CCDC85A: variants seen among roughly 807,000 people sequenced by gnomAD.
CCDC85A encodes coiled-coil domain-containing protein 85A.
Under a neutral mutation model 50.2 loss-of-function variants are expected in CCDC85A, and 38 were observed. The ratio of observed to expected loss-of-function variants is 0.76; its 90% CI spans 0.58 to 0.99. The LOEUF (loss-of-function observed/expected upper bound fraction) is 0.99. CCDC85A is among the 50% of genes least tolerant of loss of function. The probability of loss-of-function intolerance (pLI) is 0.00; values close to 1 mark genes in which losing one functional copy is unlikely to be tolerated. For synonymous variants in CCDC85A, 366 were observed against 301.4 expected, an observed-to-expected ratio of 1.21 and a Z score of -2.22; for missense variants, 820 against 742.0, an observed-to-expected ratio of 1.11 and a Z score of -1.22.
intron 2 of CCDC85A, among the ~76,000 whole-genome samples, chr2:56,290,021 C>G (rs1025445286): frequency 6.6e-6 from 1 of 152,140 alleles, no homozygotes; most frequent in East Asian, 1.9e-4. Context: ...AAGCCAGACC[C>G]TCATTTCCTG....
chr2:56,197,298 T>C (rs1321847620), intron 2 of CCDC85A, among the ~76,000 whole-genome samples: 1 of 151,938 alleles, frequency 6.6e-6, no homozygotes, highest in Non-Finnish European at 1.5e-5. Flanking sequence ...GTAGCATCCC[T>C]GGGCTTTACC....
intron 3 of CCDC85A, among the ~76,000 whole-genome samples, chr2:56,347,775 A>T (rs1262425239): frequency 1.3e-5 from 2 of 152,212 alleles, no homozygotes; most frequent in Non-Finnish European, 2.9e-5. Context: ...GAAATTTTAA[A>T]ATTGAAATTT....
intron 2 of CCDC85A, among the ~76,000 whole-genome samples, chr2:56,325,105 T>G (rs1250536696): frequency 6.6e-6 from 1 of 152,126 alleles, no homozygotes; most frequent in Non-Finnish European, 1.5e-5. Flanking sequence ...ATTGATTTAA[T>G]AATGCGATTT....
At chr2:56,328,228 G>C (rs2104284075) in intron 2 of CCDC85A, among the ~76,000 whole-genome samples, 1 of 152,206 alleles carries the variant, frequency 6.6e-6, no homozygotes, top group East Asian at 1.9e-4. Flanking sequence ...ACAACGAGAG[G>C]GTTGGATTTA....
At chr2:56,267,507 A>T (rs373255609) in intron 2 of CCDC85A, among the ~76,000 whole-genome samples, 1 of 152,224 alleles carries the variant, frequency 6.6e-6, no homozygotes, top group African/African-American at 2.4e-5. Context: ...TATATTCAAC[A>T]TAGTACACAG....
At chr2:56,324,773 A>G (rs186015813) in intron 2 of CCDC85A, among the ~76,000 whole-genome samples, 296 of 152,118 alleles carry the variant, frequency 1.9e-3, no homozygotes, top group Non-Finnish European at 3.4e-3. Flanking sequence ...TAAATACTCC[A>G]AGGTAGTATT....
At chr2:56,284,560 A>G (rs914545452) in intron 2 of CCDC85A, among the ~76,000 whole-genome samples, 1 of 152,098 alleles carries the variant, frequency 6.6e-6, no homozygotes, top group African/African-American at 2.4e-5. Context: ...TTTAGTAGAG[A>G]TGGAGTTTCA....
chr2:56,235,330 C>T (rs1313503713), intron 2 of CCDC85A: 1 of 152,064 alleles, frequency 6.6e-6, no homozygotes, highest in Non-Finnish European at 1.5e-5. Flanking sequence ...TGACCGCAGA[C>T]AGCATAGGTA....
In CCDC85A at chr2:56,379,879, G is replaced by T. The variant is rs546902309; in HGVS notation, c.1572+3944G>T. 3 of 762,388 alleles carry T rather than the reference G, an allele frequency of 3.9e-6. No individual in the cohort carries two copies. In the African/African-American group the frequency reaches 5.7e-5, roughly 14 times the overall value. The allele number at this position is 762,388 out of a possible 1,614,324, so 47.2% of individuals were successfully genotyped here. ...TTTAATGTGCTTTATTGTGTATTCTGTGTTGAAAGCCACATCGTAGCTTAG... is the reference window on the plus strand; with the variant it reads ...TTTAATGTGCTTTATTGTGTATTCTTTGTTGAAAGCCACATCGTAGCTTAG... On this transcript the variant is annotated intron_variant, in intron 5 of 5. Transcript: ENST00000407595.
chr2:56,287,200 G>T (rs1223769479), intron 2 of CCDC85A, among the ~76,000 whole-genome samples: 1 of 152,158 alleles, frequency 6.6e-6, no homozygotes, highest in Non-Finnish European at 1.5e-5. Context: ...TTTTGTCAAG[G>T]ACTCATGGGA....
intron 2 of CCDC85A, among the ~76,000 whole-genome samples, chr2:56,277,717 T>TAA: frequency 6.6e-6 from 1 of 152,358 alleles, no homozygotes; most frequent in South Asian, 2.1e-4. Flanking sequence ...TAGGGAATGC[T>TAA]AACATGAGTA....
At chr2:56,226,390 A>G (rs1451191209) in intron 2 of CCDC85A, among the ~76,000 whole-genome samples, 1 of 152,270 alleles carries the variant, frequency 6.6e-6, no homozygotes, top group South Asian at 2.1e-4. Flanking sequence ...ATATATTTTG[A>G]ATGGATGAGA....
intron 3 of CCDC85A, among the ~76,000 whole-genome samples, chr2:56,344,406 A>G (rs539411094): frequency 6.6e-6 from 1 of 152,296 alleles, no homozygotes; most frequent in African/African-American, 2.4e-5. Flanking sequence ...GGACAGCATG[A>G]GATTTCCTCA....
intron 3 of CCDC85A, among the ~76,000 whole-genome samples, chr2:56,358,528 T>C (rs896006250): frequency 6.6e-6 from 1 of 152,222 alleles, no homozygotes; most frequent in Admixed American, 6.5e-5. Flanking sequence ...AAGAGCCAGG[T>C]AGTAAATATT....
chr2:56,329,536 A>G (rs1160483779), intron 2 of CCDC85A, among the ~76,000 whole-genome samples: 1 of 152,240 alleles, frequency 6.6e-6, no homozygotes, highest in Non-Finnish European at 1.5e-5. Context: ...TAGATTATCT[A>G]AACTAACTGG....
At chr2:56,247,067 C>A (rs938860387) in intron 2 of CCDC85A, among the ~76,000 whole-genome samples, 22 of 152,100 alleles carry the variant, frequency 1.4e-4, no homozygotes, top group Non-Finnish European at 3.1e-4. Context: ...AGATGTTTTG[C>A]ACTCTAAATC....
rs541198288 is a variant in CCDC85A at position 56,270,104 on chromosome 2, C to T, written c.1241-72775C>T. 7.2e-5 allele frequency among the ~76,000 whole-genome samples: 11 copies of T among 152,230 alleles called. 1 individual carries two copies. The highest frequency in any genetic ancestry group is 2.6e-4 in the African/African-American group (11 of 41,520). On this transcript the variant is annotated intron_variant, in intron 2 of 5. Coordinates refer to ENST00000407595, the MANE Select transcript of CCDC85A (RefSeq NM_001080433.2). ...AATTATTAAGATTTTGGTGGGTGAA[C>T]ATATATATGTGTTTATGTCAGTCTG...
intron 2 of CCDC85A, among the ~76,000 whole-genome samples, chr2:56,330,702 C>G (rs1014346858): frequency 6.6e-6 from 1 of 152,142 alleles, no homozygotes; most frequent in African/African-American, 2.4e-5. Flanking sequence ...AATAACGGCA[C>G]ATATGTGACA....
At chr2:56,295,374 T>A (rs1421380251) in intron 2 of CCDC85A, among the ~76,000 whole-genome samples, 1 of 152,218 alleles carries the variant, frequency 6.6e-6, no homozygotes, top group Non-Finnish European at 1.5e-5. Flanking sequence ...GCCATGATCT[T>A]CCATGGTGAG....
Sources: gnomAD v4.1 joint callset for allele counts (sites outside exome capture counted in the v4.1 genomes callset) on GRCh38, gnomAD v4.1.1 for gene constraint, MANE v1.5 for transcripts, NCBI Gene and HGNC (gene_info 2026-07-23, HGNC 2026-07-21) for gene names.